CSMD1: variants seen among roughly 807,000 people sequenced by gnomAD.
CSMD1 encodes CUB and Sushi multiple domains 1, also known as CUB and sushi domain-containing protein 1.
A neutral mutation model predicts 417.5 loss-of-function variants in CSMD1; 213 were observed. The observed-to-expected ratio is 0.51, with a 90% CI of 0.46 to 0.57. The LOEUF (loss-of-function observed/expected upper bound fraction) is 0.57, where lower values mean the gene tolerates loss of function less well. CSMD1 is among the 20% of genes least tolerant of loss of function. The probability of loss-of-function intolerance (pLI) is 0.00; values close to 1 mark genes in which losing one functional copy is unlikely to be tolerated. For missense variants in CSMD1, 6,923 were observed against 4,529.7 expected (o/e 1.53, Z -15.17); for synonymous variants, 2,862 against 1,736.8 (o/e 1.65, Z -16.11).
At chr8:3,977,889 G>C (rs748819028) in intron 5 of CSMD1, among the ~76,000 whole-genome samples, 18 of 152,164 alleles carry the variant, frequency 1.2e-4, no homozygotes, top group Non-Finnish European at 2.4e-4. Flanking sequence ...ATAAACTCAA[G>C]AATGGTAACT....
chr8:2,978,389 C>T (rs1228109797), intron 55 of CSMD1, among the ~76,000 whole-genome samples: 1 of 152,154 alleles, frequency 6.6e-6, no homozygotes, highest in Non-Finnish European at 1.5e-5. Context: ...TGGGTCATTT[C>T]TCCTGAGCAT....
chr8:3,280,455 C>T (rs1379757210), intron 26 of CSMD1, among the ~76,000 whole-genome samples: 2 of 151,970 alleles, frequency 1.3e-5, no homozygotes, highest in Non-Finnish European at 2.9e-5. Context: ...CTTGTTTTTC[C>T]TTTCAATAAA....
chr8:3,893,939 G>A (rs901732274), intron 5 of CSMD1, among the ~76,000 whole-genome samples: 1 of 151,920 alleles, frequency 6.6e-6, no homozygotes, highest in Non-Finnish European at 1.5e-5. Context: ...TACCGCACGT[G>A]TGCACCCAGA....
chr8:4,044,933 C>T (rs940598187), intron 3 of CSMD1, among the ~76,000 whole-genome samples: 4 of 140,560 alleles, frequency 2.8e-5, no homozygotes, highest in African/African-American at 7.9e-5. Context: ...AAAAAATGTC[C>T]CCATGGCATC....
Position 2,980,392 on chromosome 8 carries a change from T to C in CSMD1, c.8378-1592A>G, listed in dbSNP as rs913318465. Among the ~76,000 whole-genome samples the C allele has an allele frequency of 9.9e-5, 15 of 151,124 alleles. No homozygotes were observed. The East Asian group carries it at 2.7e-3, about 28-fold the overall frequency. ...CTTTCTTCCTCCTCCTCTTCCTTCT[T>C]CTCCTCCTCCACCTCCTTGTCCTCT... On this transcript the variant is annotated intron_variant, in intron 54 of 69. Transcript: ENST00000635120.
chr8:3,722,460 CA>C (rs754240442), intron 6 of CSMD1, among the ~76,000 whole-genome samples: 12 of 152,152 alleles, frequency 7.9e-5, no homozygotes, highest in Non-Finnish European at 1.5e-4. Context: ...GTGCTTGCCC[CA>C]ACCTCAGACA....
chr8:4,634,088 C>T (rs2616995), intron 2 of CSMD1, among the ~76,000 whole-genome samples: 109,395 of 151,666 alleles, frequency 0.72, 39,739 homozygotes, highest in Middle Eastern at 0.79. Flanking sequence ...AATTTCTTCC[C>T]TGTGCTTACC....
Position 4,893,967 on chromosome 8 carries a change from G to T in CSMD1, c.85+100365C>A, listed in dbSNP as rs184270678. Among the ~76,000 whole-genome samples, 256 of 152,030 alleles carry T rather than the reference G, an allele frequency of 1.7e-3. 3 individuals are homozygous for T. Among genetic ancestry groups the T allele is most frequent in the African/African-American group, 5.7e-3 (236 of 41,450 alleles). ...TGTAAAGCTTTTTGTCTTTTTTTTA[G>T]GTACAGATTTTCAAGAAGGATTTCA... On this transcript the variant is annotated intron_variant, in intron 1 of 69. Transcript: ENST00000635120.
intron 33 of CSMD1, among the ~76,000 whole-genome samples, chr8:3,192,899 T>C (rs572631783): frequency 1.3e-5 from 2 of 151,640 alleles, no homozygotes; most frequent in Admixed American, 1.3e-4. Flanking sequence ...CATGTTTGCA[T>C]GCTTGAGTAT....
intron 1 of CSMD1, among the ~76,000 whole-genome samples, chr8:4,838,255 C>T (rs1482678393): frequency 6.6e-6 from 1 of 152,168 alleles, no homozygotes; most frequent in Non-Finnish European, 1.5e-5. Flanking sequence ...CACTTATTGA[C>T]TGAGCAAGTA....
chr8:3,057,128 T>TAAGCATTATATGGC (rs1274099021), intron 49 of CSMD1, among the ~76,000 whole-genome samples: 2 of 152,010 alleles, frequency 1.3e-5, no homozygotes, highest in African/African-American at 4.8e-5. Context: ...GCTTATATGG[T>TAAGCATTATATGGC]AAGAAATGTT....
At chr8:3,814,018 A>C (rs1396307174) in intron 5 of CSMD1, among the ~76,000 whole-genome samples, 1 of 152,238 alleles carries the variant, frequency 6.6e-6, no homozygotes, top group Non-Finnish European at 1.5e-5. Flanking sequence ...TTAATGCAAC[A>C]GATTAAAAAC....
intron 3 of CSMD1, among the ~76,000 whole-genome samples, chr8:4,188,790 T>A (rs1254841239): frequency 8.7e-6 from 1 of 115,230 alleles, no homozygotes; most frequent in African/African-American, 3.3e-5. Flanking sequence ...ATAAAGAAAC[T>A]CCAGGATGAA....
At chr8:3,833,168 T>C (rs1294422621) in intron 5 of CSMD1, among the ~76,000 whole-genome samples, 8 of 152,156 alleles carry the variant, frequency 5.3e-5, no homozygotes, top group Admixed American at 2.6e-4. Context: ...CAGGAAAGTA[T>C]ATAATCACTT....
At chr8:4,515,807 G>A (rs983110080) in intron 2 of CSMD1, among the ~76,000 whole-genome samples, 5 of 152,118 alleles carry the variant, frequency 3.3e-5, no homozygotes, top group Admixed American at 2.6e-4. Context: ...GTGCACTGAT[G>A]CCCGGGTTGT....
At chr8:4,097,569 C>T (rs867084274) in intron 3 of CSMD1, among the ~76,000 whole-genome samples, 1 of 152,116 alleles carries the variant, frequency 6.6e-6, no homozygotes, top group Non-Finnish European at 1.5e-5. Flanking sequence ...CTACTCAGTG[C>T]AGTATGATTC....
At chr8:4,156,622 G>C (rs1315389437) in intron 3 of CSMD1, among the ~76,000 whole-genome samples, 2 of 152,132 alleles carry the variant, frequency 1.3e-5, no homozygotes, top group African/African-American at 2.4e-5. Context: ...ATGGGAAACA[G>C]TAGTTTTTGC....
At chr8:3,998,345 C>G (rs192810182) in intron 4 of CSMD1, among the ~76,000 whole-genome samples, 1 of 152,228 alleles carries the variant, frequency 6.6e-6, no homozygotes, top group South Asian at 2.1e-4. Flanking sequence ...AAGATGGAAA[C>G]GGTGGCTTTT....
At chr8:3,629,279 C>A (rs1796655684) in intron 7 of CSMD1, among the ~76,000 whole-genome samples, 1 of 150,020 alleles carries the variant, frequency 6.7e-6, no homozygotes, top group African/African-American at 2.4e-5. Flanking sequence ...GAATAAGATG[C>A]TTAATGGAAA....
Sources: gnomAD v4.1 joint callset for allele counts (sites outside exome capture counted in the v4.1 genomes callset) on GRCh38, gnomAD v4.1.1 for gene constraint, MANE v1.5 for transcripts, NCBI Gene and HGNC (gene_info 2026-07-23, HGNC 2026-07-21) for gene names.